Variants in FBXO21 observed in about 807,000 individuals in gnomAD.
FBXO21 encodes the protein F-box only protein 21.
A neutral mutation model predicts 76.6 loss-of-function variants in FBXO21; 32 were observed. The ratio of observed to expected loss-of-function variants is 0.42; its 90% CI spans 0.32 to 0.56. FBXO21 has a LOEUF of 0.56. FBXO21 is among the 20% of genes least tolerant of loss of function. FBXO21 has a pLI of 0.16. For missense variants in FBXO21, 586 were observed against 797.3 expected, an observed-to-expected ratio of 0.73 and a Z score of 3.19; for synonymous variants, 328 against 311.5, an observed-to-expected ratio of 1.05 and a Z score of -0.56.
intron 3 of FBXO21, among the ~76,000 whole-genome samples, chr12:117,181,503 C>T (rs1326180864): frequency 6.6e-6 from 1 of 152,104 alleles, no homozygotes; most frequent in Admixed American, 6.6e-5. Flanking sequence ...TGACACTTTT[C>T]TCAGGTACAA....
chr12:117,187,969 T>G (rs1366068917), intron 2 of FBXO21, among the ~76,000 whole-genome samples: 1 of 152,232 alleles, frequency 6.6e-6, no homozygotes, highest in East Asian at 1.9e-4. Context: ...CTATTTGTAT[T>G]CTCCATAGGG....
At chr12:117,151,914 A>G (rs1038374856) in intron 11 of FBXO21, among the ~76,000 whole-genome samples, 2 of 152,226 alleles carry the variant, frequency 1.3e-5, no homozygotes, top group Non-Finnish European at 2.9e-5. Flanking sequence ...GGGGAACAGG[A>G]TCTTTACAGG....
At chr12:117,151,647 G>A (rs1287848818) in intron 11 of FBXO21, among the ~76,000 whole-genome samples, 2 of 152,102 alleles carry the variant, frequency 1.3e-5, no homozygotes, top group Non-Finnish European at 2.9e-5. Context: ...GGCTAAAAAT[G>A]GGCAAATGTG....
At chr12:117,157,490 A>C (rs1170238226) in intron 10 of FBXO21, among the ~76,000 whole-genome samples, 1 of 152,208 alleles carries the variant, frequency 6.6e-6, no homozygotes, top group Non-Finnish European at 1.5e-5. Context: ...AAATAGACCA[A>C]GTGCCTATCG....
At chr12:117,182,265 G>C (rs190533876) in intron 3 of FBXO21, among the ~76,000 whole-genome samples, 3 of 152,168 alleles carry the variant, frequency 2.0e-5, no homozygotes, top group Admixed American at 6.5e-5. Context: ...AGGCCAAGGT[G>C]GGAGGATCAC....
At chr12:117,157,401 T>C (rs552221918) in intron 10 of FBXO21, among the ~76,000 whole-genome samples, 2 of 152,258 alleles carry the variant, frequency 1.3e-5, no homozygotes, top group South Asian at 4.1e-4. Context: ...CAGGCGAGAA[T>C]AGGAACTCCA....
chr12:117,162,193 T>C (rs1474363301), intron 9 of FBXO21, among the ~76,000 whole-genome samples: 2 of 152,192 alleles, frequency 1.3e-5, no homozygotes, highest in Non-Finnish European at 2.9e-5. Context: ...AGGGATACCT[T>C]TTCCACTGAA....
intron 11 of FBXO21, among the ~76,000 whole-genome samples, chr12:117,150,342 A>G (rs890338917): frequency 6.6e-6 from 1 of 152,320 alleles, no homozygotes; most frequent in South Asian, 2.1e-4. Context: ...ATGAATAAAT[A>G]CTATGGAAAC....
chr12:117,179,737 G>A (rs769421048), intron 3 of FBXO21, among the ~76,000 whole-genome samples: 2 of 152,110 alleles, frequency 1.3e-5, no homozygotes, highest in Non-Finnish European at 2.9e-5. Flanking sequence ...GTCTTGATCT[G>A]TTCATTCATT....
In FBXO21 at chr12:117,189,063, T is replaced by C. The variant is rs1402088319; in HGVS notation, c.375+164A>G. 1.4e-5 allele frequency: 10 copies of C among 740,686 alleles called. No homozygotes were observed. The Admixed American group carries it at 1.5e-4, about 11-fold the overall frequency. 45.9% of individuals were successfully genotyped at this position (740,686 alleles called of 1,614,324 possible). On this transcript the variant is annotated intron_variant, in intron 2 of 11. Coordinates refer to ENST00000622495, the MANE Select transcript of FBXO21 (RefSeq NM_015002.3). ...AGACAAATGGCTTCGTGTTGTTGGA[T>C]AGGAGGAAAAGGACACAATGACTCT...
chr12:117,187,448 ATCT>A (rs1166682045), intron 2 of FBXO21, among the ~76,000 whole-genome samples: 2 of 138,092 alleles, frequency 1.4e-5, no homozygotes, highest in Non-Finnish European at 3.2e-5. Flanking sequence ...AAAAAAAAAG[ATCT>A]TCTGAGTTTA....
intron 11 of FBXO21, among the ~76,000 whole-genome samples, chr12:117,148,565 G>A (rs750808798): frequency 2.0e-5 from 3 of 152,370 alleles, no homozygotes; most frequent in South Asian, 2.1e-4. Flanking sequence ...GTGGCACAGA[G>A]TTTAAACTGG....
At chr12:117,168,540 AT>A (rs774853583) in intron 7 of FBXO21, among the ~76,000 whole-genome samples, 3 of 152,088 alleles carry the variant, frequency 2.0e-5, no homozygotes, top group Non-Finnish European at 4.4e-5. Context: ...ATAAAAAAAA[AT>A]AAAATAAATA....
At chr12:117,174,013 T>C (rs903990246) in intron 6 of FBXO21, among the ~76,000 whole-genome samples, 192 bp downstream of exon 6, 8 of 152,050 alleles carry the variant, frequency 5.3e-5, no homozygotes, top group Admixed American at 1.3e-4. Flanking sequence ...TGTGGTGGCA[T>C]GTAGTCCTAG....
intron 11 of FBXO21, among the ~76,000 whole-genome samples, chr12:117,154,611 C>T (rs529458274): frequency 6.6e-6 from 1 of 152,150 alleles, no homozygotes; most frequent in East Asian, 1.9e-4. Context: ...AACACAGGTG[C>T]ACATGACTCT....
At position 117,167,029 on chromosome 12, in the gene FBXO21, T is replaced by C; in HGVS notation, c.1062A>G (p.Lys354=). 1 of 1,614,146 alleles carries C rather than the reference T, an allele frequency of 6.2e-7. No individual in the cohort carries two copies. The highest frequency in any genetic ancestry group is 1.3e-5 in the African/African-American group (1 of 75,046). The change falls in exon 8 of 12, where the codon AAA becomes AAG. Residue 354 remains lysine (K), a synonymous_variant. Transcript: ENST00000622495. ...ATTCTTTCACTGTCAGCTGCTTGCCTTTCCCAAAAGCATCTATGTAGATGT... is the reference window on the plus strand; with the variant it reads ...ATTCTTTCACTGTCAGCTGCTTGCCCTTCCCAAAAGCATCTATGTAGATGT... The part of the protein sequence containing the change: ...FDYIYIDAFG[K]GKQLTVKECE...
chr12:117,170,360 A>G (rs539839254), intron 7 of FBXO21, among the ~76,000 whole-genome samples: 1 of 152,340 alleles, frequency 6.6e-6, no homozygotes, highest in East Asian at 1.9e-4. Flanking sequence ...CAACAGACAC[A>G]TAGGGTTTCC....
chr12:117,159,027 G>A (rs1955947967), intron 9 of FBXO21, among the ~76,000 whole-genome samples: 1 of 152,188 alleles, frequency 6.6e-6, no homozygotes, highest in Admixed American at 6.5e-5. Flanking sequence ...CAGACTAGCT[G>A]GCGTTTTTAC....
At chr12:117,165,433 C>A (rs1956043168) in intron 9 of FBXO21, 52 bp downstream of exon 9, 2 of 1,576,226 alleles carry the variant, frequency 1.3e-6, no homozygotes, top group Non-Finnish European at 1.7e-6. Flanking sequence ...ACCCTTCAAT[C>A]TAGGACTTCC....
Sources: allele counts gnomAD v4.1 joint callset (sites outside exome capture counted in the v4.1 genomes callset), GRCh38; gene constraint gnomAD v4.1.1; transcripts MANE v1.5; gene names NCBI Gene and HGNC (gene_info 2026-07-23, HGNC 2026-07-21).